Variants in ZNF728 observed in about 807,000 individuals in gnomAD.
ZNF728 encodes zinc finger protein 728.
A neutral mutation model predicts 12.5 loss-of-function variants in ZNF728; 12 were observed. That is an observed-to-expected ratio of 0.96 (90% CI 0.61 to 1.55). ZNF728 has a LOEUF of 1.55. Ranked by LOEUF, ZNF728 falls within the 40% of genes most tolerant of loss-of-function variation. ZNF728 has a pLI of 0.00. For missense variants in ZNF728, 692 were observed against 719.2 expected (o/e 0.96, Z 0.43); for synonymous variants, 205 against 240.7 (o/e 0.85, Z 1.37).
Position 22,975,253 on chromosome 19 carries a change from T to G in ZNF728, c.*215A>C, listed in dbSNP as rs1327294142. 1.3e-5 allele frequency among the ~76,000 whole-genome samples: 2 copies of G among 152,182 alleles called. No individual in the cohort carries two copies. The highest frequency in any genetic ancestry group is 2.9e-5 in the Non-Finnish European group (2 of 68,020). The stretch of plus-strand genomic sequence containing the variant: ...GGTTTCTCTCCAGTATGAGTTGTCT[T>G]GTACGTAGTAAGCCTTAAGGACTGA... On this transcript the variant is annotated 3_prime_UTR_variant, in exon 4 of 4. Coordinates refer to ENST00000594710, the MANE Select transcript of ZNF728 (RefSeq NM_001267716.2).
Position 23,003,128 on chromosome 19 carries a change from C to T in ZNF728, c.-98G>A. 1 of 1,423,616 alleles carries T rather than the reference C, an allele frequency of 7.0e-7. No homozygotes were observed. Among genetic ancestry groups the T allele is most frequent in the South Asian group, 1.4e-5 (1 of 71,988 alleles). The allele number at this position is 1,423,616 out of a possible 1,614,324, so 88.2% of individuals were successfully genotyped here. ...GCTGGGCCTTTAGGAGCGGACGACA[C>T]ACAGCAGTAAGGACGACACCTTGAC... On this transcript the variant is annotated 5_prime_UTR_variant, in exon 1 of 4. The change creates a new upstream start codon in the 5' untranslated region. Transcript: ENST00000594710.
chr19:22,990,890 T>A (rs1326917284), intron 1 of ZNF728, among the ~76,000 whole-genome samples: 1 of 152,216 alleles, frequency 6.6e-6, no homozygotes, highest in East Asian at 1.9e-4. Context: ...CTAACGAGCT[T>A]ATAAATCACT....
intron 3 of ZNF728, 68 bp downstream of exon 3, chr19:22,987,240 T>A: frequency 6.9e-7 from 1 of 1,448,262 alleles, no homozygotes; most frequent in Non-Finnish European, 9.3e-7. Context: ...CCCATATCAC[T>A]TTAAGGACTG....
chr19:22,991,315 G>A (rs1382552590), intron 1 of ZNF728, among the ~76,000 whole-genome samples: 1 of 152,128 alleles, frequency 6.6e-6, no homozygotes, highest in African/African-American at 2.4e-5. Context: ...CACCCTGTGA[G>A]TTGATACTAA....
chr19:22,975,336 T>C lies in ZNF728; in HGVS notation c.*132A>G. 1.2e-6 allele frequency: 1 copy of C among 838,796 alleles called. No homozygotes were observed. The highest frequency in any genetic ancestry group is 1.9e-6 in the Non-Finnish European group (1 of 533,528). 52.0% of individuals were successfully genotyped at this position (838,796 alleles called of 1,614,324 possible). A position where few individuals can be genotyped will look rare whatever the true frequency, so the allele number is the denominator to read the frequency against. ...GGAATTCCCTCCAGTATGAATTACC[T>C]TATGTTTAGTAAGGATTGAGGAACA... On this transcript the variant is annotated 3_prime_UTR_variant, in exon 4 of 4. Transcript: ENST00000594710.
intron 1 of ZNF728, among the ~76,000 whole-genome samples, chr19:23,002,670 C>T (rs1381716662): frequency 6.6e-6 from 1 of 152,154 alleles, no homozygotes; most frequent in Non-Finnish European, 1.5e-5. Context: ...ACCTCACGGA[C>T]CAAAGCTCTT....
chr19:22,987,550 A>C, intron 2 of ZNF728, 147 bp from the exon 3 acceptor site: 5 of 821,554 alleles, frequency 6.1e-6, no homozygotes, highest in Non-Finnish European at 8.4e-6. Context: ...CTAAATATTT[A>C]GAAAACACTC....
intron 1 of ZNF728, among the ~76,000 whole-genome samples, chr19:22,995,999 A>G (rs1969046483): frequency 6.6e-6 from 1 of 152,182 alleles, no homozygotes; most frequent in Admixed American, 6.5e-5. Flanking sequence ...AAAATATAAG[A>G]CACTAAAATT....
chr19:22,998,515 C>T (rs906843398), intron 1 of ZNF728, among the ~76,000 whole-genome samples: 4 of 152,176 alleles, frequency 2.6e-5, no homozygotes, highest in African/African-American at 9.7e-5. Flanking sequence ...ACATTGTCCT[C>T]ACTGCAGATG....
At position 22,975,874 on chromosome 19, in the gene ZNF728, G is replaced by A. The variant is rs771000971; in HGVS notation, c.1463C>T (p.Ala488Val). ...KLYKCEECGK[A>V]FKWSSNLMEH... ...CATAAGGTTTGAGGACCACTTAAAGGCTTTGCCACATTCTTCACATTTGTA... is the reference window on the plus strand; with the variant it reads ...CATAAGGTTTGAGGACCACTTAAAGACTTTGCCACATTCTTCACATTTGTA... Residue 488 changes from alanine (A) to valine (V), a missense_variant, in exon 4 of 4, where the codon GCC becomes GTC. Transcript: ENST00000594710. The A allele has an allele frequency of 1.1e-5, 17 of 1,611,636 alleles. No individual in the cohort carries two copies. The highest frequency in any genetic ancestry group is 1.4e-5 in the Non-Finnish European group (16 of 1,179,206).
chr19:22,987,257 T>C, intron 3 of ZNF728, 51 bp downstream of exon 3: 1 of 1,543,222 alleles, frequency 6.5e-7, no homozygotes, highest in South Asian at 1.3e-5. Context: ...ACTGGCTTTC[T>C]CCTTGACTTT....
At chr19:22,983,811 C>A (rs1968885483) in intron 3 of ZNF728, among the ~76,000 whole-genome samples, 2 of 152,030 alleles carry the variant, frequency 1.3e-5, no homozygotes, top group Non-Finnish European at 1.5e-5. Context: ...ACAACGACAA[C>A]ACAGGGACAC....
chr19:23,001,711 A>G (rs1417448069), intron 1 of ZNF728, among the ~76,000 whole-genome samples: 1 of 152,228 alleles, frequency 6.6e-6, no homozygotes, highest in Non-Finnish European at 1.5e-5. Flanking sequence ...AATCTTTTTA[A>G]ATGTGCCATC....
At chr19:22,988,250 T>A in intron 2 of ZNF728, 75 bp downstream of exon 2, 2 of 1,609,152 alleles carry the variant, frequency 1.2e-6, no homozygotes, top group Non-Finnish European at 1.7e-6. Flanking sequence ...TCCTCCTTTG[T>A]CCAGGCCAAT....
At chr19:22,992,528 T>C (rs289300) in intron 1 of ZNF728, among the ~76,000 whole-genome samples, 46,528 of 151,932 alleles carry the variant, frequency 0.31, 9,251 homozygotes, top group African/African-American at 0.57. Context: ...CAGGTATGAG[T>C]CACTGCACCC....
rs777030720 is a variant in ZNF728 at position 23,003,070 on chromosome 19, C to A, written c.-40G>T. ...GGGTCCTGGCGACTTAGTTGTGAAT[C>A]TCCCAATACCTGCAGGTCACAGGGC... On this transcript the variant is annotated 5_prime_UTR_variant, in exon 1 of 4. Transcript: ENST00000594710. 17 of 1,569,012 alleles carry A rather than the reference C, an allele frequency of 1.1e-5. No individual in the cohort carries two copies. The highest frequency in any genetic ancestry group is 2.4e-5 in the South Asian group (2 of 83,570).
At chr19:22,999,650 CAT>C (rs1969085517) in intron 1 of ZNF728, among the ~76,000 whole-genome samples, 1 of 152,100 alleles carries the variant, frequency 6.6e-6, no homozygotes, top group Admixed American at 6.5e-5. Flanking sequence ...GATTCAAAAA[CAT>C]ATAAGAAAAT....
chr19:22,989,051 CAA>C (rs68080575), intron 1 of ZNF728, among the ~76,000 whole-genome samples: 808 of 50,144 alleles, frequency 0.016, 3 homozygotes, highest in African/African-American at 0.046. Flanking sequence ...AACTCCATCT[CAA>C]AAAAAAAAAA....
chr19:23,003,068 A>G lies in ZNF728; in HGVS notation c.-38T>C. On this transcript the variant is annotated 5_prime_UTR_variant, in exon 1 of 4. Transcript: ENST00000594710. Reference sequence around the variant, plus strand: ...GGGGGTCCTGGCGACTTAGTTGTGAATCTCCCAATACCTGCAGGTCACAGG... The same window carrying G: ...GGGGGTCCTGGCGACTTAGTTGTGAGTCTCCCAATACCTGCAGGTCACAGG... The G allele has an allele frequency of 6.4e-7, 1 of 1,572,820 alleles. No homozygotes were observed. The highest frequency in any genetic ancestry group is 8.6e-7 in the Non-Finnish European group (1 of 1,159,894).
Sources: gnomAD v4.1 joint callset for allele counts (sites outside exome capture counted in the v4.1 genomes callset) on GRCh38, gnomAD v4.1.1 for gene constraint, MANE v1.5 for transcripts, NCBI Gene and HGNC (gene_info 2026-07-23, HGNC 2026-07-21) for gene names.